ANKS1B: variants seen among roughly 807,000 people sequenced by gnomAD.
ANKS1B encodes ankyrin repeat and sterile alpha motif domain containing 1B.
ANKS1B carries 36 observed loss-of-function variants against 148.3 expected under a neutral mutation model. That is an observed-to-expected ratio of 0.24 (90% CI 0.19 to 0.32). The LOEUF is 0.32. Ranked by LOEUF, ANKS1B falls within the 10% of genes least tolerant of loss-of-function variation. ANKS1B has a pLI of 1.00. For missense variants in ANKS1B, 1,157 were observed against 1,542.6 expected (o/e 0.75, Z 4.19); for synonymous variants, 542 against 560.8 (o/e 0.97, Z 0.47).
chr12:98,963,732 A>G (rs1181360620), intron 17 of ANKS1B, among the ~76,000 whole-genome samples: 1 of 152,216 alleles, frequency 6.6e-6, no homozygotes, highest in Non-Finnish European at 1.5e-5. Context: ...TTAATGGGAG[A>G]AAATATTTGC....
intron 8 of ANKS1B, among the ~76,000 whole-genome samples, chr12:99,755,607 A>C (rs2061496351): frequency 1.4e-5 from 2 of 144,602 alleles, no homozygotes; most frequent in Middle Eastern, 3.5e-3. Context: ...AAAAAAAAAA[A>C]AAAAAACTGA....
chr12:99,387,987 G>A (rs558337438), intron 12 of ANKS1B, among the ~76,000 whole-genome samples: 68 of 152,206 alleles, frequency 4.5e-4, no homozygotes, highest in Non-Finnish European at 7.8e-4. Flanking sequence ...TTTGGATAGA[G>A]GTGAACAGGA....
At chr12:99,849,189 GA>G (rs1165630216) in intron 1 of ANKS1B, among the ~76,000 whole-genome samples, 4 of 151,420 alleles carry the variant, frequency 2.6e-5, no homozygotes, top group South Asian at 2.1e-4. Flanking sequence ...AATAACAGTT[GA>G]AAAAAACAAA....
chr12:99,349,318 G>C (rs2091125886), intron 12 of ANKS1B, among the ~76,000 whole-genome samples: 1 of 151,860 alleles, frequency 6.6e-6, no homozygotes, highest in South Asian at 2.1e-4. Context: ...AAAACAAATA[G>C]CAAAATGGCA....
At chr12:99,692,179 G>C (rs974584386) in intron 8 of ANKS1B, among the ~76,000 whole-genome samples, 1 of 152,136 alleles carries the variant, frequency 6.6e-6, no homozygotes, top group African/African-American at 2.4e-5. Flanking sequence ...GAACATTCTG[G>C]ATGCTGTGAG....
intron 9 of ANKS1B, among the ~76,000 whole-genome samples, chr12:99,562,221 T>C (rs1309809922): frequency 6.6e-6 from 1 of 152,216 alleles, no homozygotes; most frequent in Non-Finnish European, 1.5e-5. Context: ...CCACCCAGGC[T>C]TGATTGTTCC....
At chr12:99,734,212 C>A (rs1374528222) in intron 8 of ANKS1B, among the ~76,000 whole-genome samples, 1 of 152,084 alleles carries the variant, frequency 6.6e-6, no homozygotes, top group Non-Finnish European at 1.5e-5. Context: ...TAATTCTACC[C>A]CCATATTCTT....
chr12:99,081,869 T>G (rs2049906599), intron 16 of ANKS1B, among the ~76,000 whole-genome samples: 1 of 152,196 alleles, frequency 6.6e-6, no homozygotes, highest in Non-Finnish European at 1.5e-5. Context: ...AGGAAAATAT[T>G]CATTCACTCA....
At chr12:99,929,759 T>A (rs1316256430) in intron 1 of ANKS1B, among the ~76,000 whole-genome samples, 4 of 152,224 alleles carry the variant, frequency 2.6e-5, no homozygotes, top group African/African-American at 9.7e-5. Context: ...AAGGGAATCC[T>A]TTCCCCATTG....
At chr12:99,364,260 A>G (rs938548614) in intron 12 of ANKS1B, among the ~76,000 whole-genome samples, 9 of 139,972 alleles carry the variant, frequency 6.4e-5, no homozygotes, top group Non-Finnish European at 1.1e-4. Context: ...TAATGAGTAG[A>G]CAAGCAGTAT....
chr12:98,986,719 A>G (rs2099923638), intron 17 of ANKS1B, among the ~76,000 whole-genome samples: 1 of 152,068 alleles, frequency 6.6e-6, no homozygotes, highest in Non-Finnish European at 1.5e-5. Flanking sequence ...GGCTCAAGCT[A>G]TCCTTCCACT....
At position 98,907,550 on chromosome 12, in the gene ANKS1B, C is replaced by T. The variant is rs141860547; in HGVS notation, c.2779-75414G>A. Among the ~76,000 whole-genome samples the T allele has an allele frequency of 6.0e-3, 917 of 152,316 alleles. 12 individuals are homozygous for T. The highest frequency in any genetic ancestry group is 0.02 in the African/African-American group (841 of 41,572). On this transcript the variant is annotated intron_variant, in intron 17 of 26. Coordinates refer to ENST00000683438, the MANE Select transcript of ANKS1B (RefSeq NM_001352186.2). ...AGCTTGGATTCAGTCCTTGACCACT[C>T]TCTTCCCCCAATGGTGGTGGTGGGG...
At chr12:98,922,700 T>C (rs1475675539) in intron 17 of ANKS1B, among the ~76,000 whole-genome samples, 3 of 152,026 alleles carry the variant, frequency 2.0e-5, no homozygotes, top group Non-Finnish European at 4.4e-5. Context: ...GGTTTCACCA[T>C]GTTGGCCAGG....
chr12:99,672,029 G>A (rs765232256), intron 8 of ANKS1B, among the ~76,000 whole-genome samples: 4 of 151,944 alleles, frequency 2.6e-5, no homozygotes, highest in Non-Finnish European at 4.4e-5. Context: ...TTTTTCAGAT[G>A]TACCAAGACA....
chr12:99,591,160 A>C (rs1338336093), intron 9 of ANKS1B, among the ~76,000 whole-genome samples: 1 of 152,082 alleles, frequency 6.6e-6, no homozygotes, highest in Admixed American at 6.6e-5. Context: ...TCTGGTGGCT[A>C]GTTTTTGTTC....
chr12:99,260,425 C>T (rs1044932585), intron 12 of ANKS1B, among the ~76,000 whole-genome samples: 2 of 152,132 alleles, frequency 1.3e-5, no homozygotes, highest in African/African-American at 4.8e-5. Context: ...TTTTCTATTC[C>T]TGTAAGCAAT....
At chr12:98,895,074 C>T in intron 17 of ANKS1B, 8 of 967,360 alleles carry the variant, frequency 8.3e-6, no homozygotes, top group Non-Finnish European at 7.4e-6. Context: ...GCGGCTGCTG[C>T]CCGGGGTGGG....
At chr12:98,988,395 G>A (rs1245323049) in intron 17 of ANKS1B, among the ~76,000 whole-genome samples, 2 of 151,876 alleles carry the variant, frequency 1.3e-5, no homozygotes, top group African/African-American at 4.8e-5. Flanking sequence ...TTAACATAAT[G>A]TCCTTGAGGT....
intron 1 of ANKS1B, among the ~76,000 whole-genome samples, chr12:99,858,764 A>C (rs560981925): frequency 5.3e-5 from 8 of 152,304 alleles, no homozygotes; most frequent in African/African-American, 1.9e-4. Flanking sequence ...TTTTAAGTGA[A>C]GTAACTCAGG....
Sources: gnomAD v4.1 joint callset for allele counts (sites outside exome capture counted in the v4.1 genomes callset) on GRCh38, gnomAD v4.1.1 for gene constraint, MANE v1.5 for transcripts, NCBI Gene and HGNC (gene_info 2026-07-23, HGNC 2026-07-21) for gene names.